PDZD4: variants seen among roughly 807,000 people sequenced by gnomAD.
PDZD4 encodes the protein PDZ domain containing 4.
A neutral mutation model predicts 38.5 loss-of-function variants in PDZD4; 9 were observed. The ratio of observed to expected loss-of-function variants is 0.23; its 90% CI spans 0.14 to 0.41. PDZD4 has a LOEUF of 0.41. Ranked by LOEUF, PDZD4 falls within the 10% of genes least tolerant of loss-of-function variation. The pLI is 1.00. For missense variants in PDZD4, 612 were observed against 722.0 expected (o/e 0.85, Z 1.75); for synonymous variants, 349 against 315.7 (o/e 1.11, Z -1.12).
chrX:153,819,244 T>A (rs1557080688), intron 1 of PDZD4, among the ~76,000 whole-genome samples: 1 of 112,967 alleles, frequency 8.9e-6, no homozygotes. Flanking sequence ...GAGCTCTGTT[T>A]CCAGGCTCTG....
At chrX:153,807,810 C>T in intron 2 of PDZD4, 1 of 960,964 alleles carries the variant, frequency 1.0e-6, no homozygotes, top group Non-Finnish European at 1.3e-6. Context: ...GCCCTCCTGG[C>T]CCCAAAACTA....
intron 7 of PDZD4, 42 bp downstream of exon 7, chrX:153,805,055 C>T (rs374754821): frequency 6.8e-6 from 8 of 1,176,734 alleles, no homozygotes; most frequent in Non-Finnish European, 9.3e-6. Context: ...ACCCAGTTCT[C>T]TCCTCCTCGC....
At chrX:153,805,025 G>A (rs2092206843) in intron 7 of PDZD4, 72 bp downstream of exon 7, 1 of 1,136,639 alleles carries the variant, frequency 8.8e-7, no homozygotes, top group South Asian at 1.9e-5. Context: ...GGGAGACCCT[G>A]CACAGCCTCA....
Position 153,830,468 on chromosome X carries a change from G to C in PDZD4, c.-170C>G. On this transcript the variant is annotated 5_prime_UTR_variant, in exon 1 of 8. Transcript: ENST00000393758. ...GCCCCCGAGGTGGGGGCAGCGGCTC[G>C]CCCCTCAGGTTAACTCTTCGCTGGC... 2.5e-6 allele frequency: 1 copy of C among 393,519 alleles called. No individual in the cohort carries two copies. Among genetic ancestry groups the C allele is most frequent in the East Asian group, 4.6e-5 (1 of 21,592 alleles). The allele number at this position is 393,519 out of a possible 1,213,427, so 32.4% of individuals were successfully genotyped here. A position where few individuals can be genotyped will look rare whatever the true frequency, so the allele number is the denominator to read the frequency against.
chrX:153,809,590 GA>G (rs1303081945), intron 1 of PDZD4, among the ~76,000 whole-genome samples: 1 of 111,016 alleles, frequency 9.0e-6, no homozygotes, highest in Non-Finnish European at 1.9e-5. Flanking sequence ...CCGTCTCAAA[GA>G]AAAAAAAATG....
intron 7 of PDZD4, 65 bp from the exon 8 acceptor site, chrX:153,804,965 A>G: frequency 1.7e-6 from 2 of 1,145,327 alleles, no homozygotes; most frequent in South Asian, 1.9e-5. Context: ...GGGATGTCAC[A>G]GGAGGATCGG....
At chrX:153,819,838 T>C (rs782436005) in intron 1 of PDZD4, among the ~76,000 whole-genome samples, 1 of 111,539 alleles carries the variant, frequency 9.0e-6, no homozygotes, top group African/African-American at 3.3e-5. Flanking sequence ...TTGAAAATTG[T>C]CCGCCCACAA....
In PDZD4 at chrX:153,805,583, G is replaced by A. The variant is rs1557076671; in HGVS notation, c.591C>T (p.Asn197=). The change falls in exon 6 of 8, where the codon AAC becomes AAT. Residue 197 remains asparagine (N), a synonymous_variant. Coordinates refer to ENST00000393758, the MANE Select transcript of PDZD4 (RefSeq NM_001303512.2). Reference sequence around the variant, plus strand: ...TCAGGATGGCCACCGCCTCTTCCCGGTTCTGGACGTCTACACCGTTAATCT... The same window carrying A: ...TCAGGATGGCCACCGCCTCTTCCCGATTCTGGACGTCTACACCGTTAATCT... ...IIQINGVDVQ[N]REEAVAILSQ... 8.3e-7 allele frequency: 1 copy of A among 1,208,973 alleles called. No individual in the cohort carries two copies. The highest frequency in any genetic ancestry group is 1.7e-5 in the African/African-American group (1 of 57,840).
Position 153,806,774 on chromosome X carries a change from C to T in PDZD4, c.472G>A (p.Asp158Asn), listed in dbSNP as rs199765870. 2.7e-4 allele frequency: 324 copies of T among 1,209,447 alleles called. No homozygotes were observed. The highest frequency in any genetic ancestry group is 3.4e-4 in the Non-Finnish European group (300 of 894,947). The change falls in exon 4 of 8, where the codon GAC becomes AAC. Residue 158 changes from aspartate (D) to asparagine (N), a missense_variant. By Grantham distance (23) the Asp-to-Asn change is conservative. Coordinates refer to ENST00000393758, the MANE Select transcript of PDZD4 (RefSeq NM_001303512.2). ...LGLMVCYRTDDEEDLGIYVGE... is the reference protein window; with the variant it reads ...LGLMVCYRTDNEEDLGIYVGE... ...ACATAAATGCCCAGGTCCTCCTCGT[C>T]GTCCGTGCGGTAGCAAACCATCAGG...
chrX:153,830,074 G>A (rs1404572357), intron 1 of PDZD4, 165 bp downstream of exon 1: 12 of 557,217 alleles, frequency 2.2e-5, no homozygotes, highest in Non-Finnish European at 2.5e-5. Context: ...TGGTTCCCAC[G>A]GAGCGCCAAC....
chrX:153,804,101 G>A lies in PDZD4; in HGVS notation c.1580C>T (p.Pro527Leu), dbSNP rs1312392185. 3.1e-5 allele frequency: 36 copies of A among 1,152,097 alleles called. No individual in the cohort carries two copies. Among genetic ancestry groups the A allele is most frequent in the East Asian group, 6.5e-5 (2 of 30,632 alleles). The allele number at this position is 1,152,097 out of a possible 1,213,427, so 94.9% of individuals were successfully genotyped here. A position where few individuals can be genotyped will look rare whatever the true frequency, so the allele number is the denominator to read the frequency against. Reference sequence around the variant, plus strand: ...GGACCGGAACTTGGCGGGGCTCCCCGGTGGAGGAGCTGCCTTGGCGGGGGT... The same window carrying A: ...GGACCGGAACTTGGCGGGGCTCCCCAGTGGAGGAGCTGCCTTGGCGGGGGT... ...VATPAKAAPP[P>L]GSPAKFRSLS... Residue 527 changes from proline to leucine, a missense_variant, in exon 8 of 8, where the codon CCG becomes CTG. Around this residue, in one of 3 missense-constraint regions of PDZD4, gnomAD observed 300 missense variants for 284.6 expected, o/e 1.05. Coordinates refer to ENST00000393758, the MANE Select transcript of PDZD4 (RefSeq NM_001303512.2).
In PDZD4 at chrX:153,803,566, C is replaced by T. The variant is rs144134931; in HGVS notation, c.2115G>A (p.Met705Ile). ...CCCGCAGGCACTCCAGCCGGCTCTG[C>T]ATCATGAACTCGCGCCGCTTCCGCT... is the stretch of plus-strand genomic sequence containing the variant. The part of the protein sequence containing the change: ...REQRKRREFM[M>I]QSRLECLREQ... Residue 705 changes from methionine to isoleucine, a missense_variant, in exon 8 of 8, where the codon ATG becomes ATA. Coordinates refer to ENST00000393758, the MANE Select transcript of PDZD4 (RefSeq NM_001303512.2). 3.8e-4 allele frequency: 464 copies of T among 1,209,153 alleles called. 1 individual carries two copies. In the African/African-American group the frequency reaches 7.5e-3, roughly 20 times the overall value.
chrX:153,815,965 G>C (rs2064356618), intron 1 of PDZD4, among the ~76,000 whole-genome samples: 1 of 99,167 alleles, frequency 1.0e-5, no homozygotes, highest in Admixed American at 1.1e-4. Flanking sequence ...CCCAGCATCT[G>C]AGCAGAAGAG....
chrX:153,806,336 G>A (rs911129640), intron 4 of PDZD4, among the ~76,000 whole-genome samples: 3 of 112,282 alleles, frequency 2.7e-5, no homozygotes, highest in Non-Finnish European at 5.6e-5. Flanking sequence ...TCTTCTGCAC[G>A]GAAGCCTGTG....
chrX:153,805,444 C>G (rs1397421814), intron 6 of PDZD4, 61 bp downstream of exon 6: 2 of 968,910 alleles, frequency 2.1e-6, no homozygotes, highest in African/African-American at 3.9e-5. Context: ...TCACGGCCAG[C>G]AGCTTCCAAG....
intron 1 of PDZD4, among the ~76,000 whole-genome samples, chrX:153,816,920 G>C (rs2064368833): frequency 9.0e-6 from 1 of 111,221 alleles, no homozygotes; most frequent in Non-Finnish European, 1.9e-5. Context: ...GAGGTAGGCT[G>C]CCAGGACCTG....
At chrX:153,805,920 T>G in intron 5 of PDZD4, 151 bp downstream of exon 5, 4 of 587,185 alleles carry the variant, frequency 6.8e-6, no homozygotes, top group Non-Finnish European at 1.1e-5. Flanking sequence ...AGGAGAGAGA[T>G]GAGACTCAGC....
At chrX:153,821,304 G>C in intron 1 of PDZD4, among the ~76,000 whole-genome samples, 1 of 111,048 alleles carries the variant, frequency 9.0e-6, no homozygotes, top group Non-Finnish European at 1.9e-5. Context: ...GGGTGCCGGT[G>C]ACAGGGAAGG....
In PDZD4 at chrX:153,803,603, C is replaced by T; in HGVS notation, c.2078G>A (p.Arg693Gln). 1.7e-6 allele frequency: 2 copies of T among 1,210,326 alleles called. No individual in the cohort carries two copies. Among genetic ancestry groups the T allele is most frequent in the Non-Finnish European group, 1.1e-6 (1 of 895,563 alleles). The change falls in exon 8 of 8, where the codon CGG (arginine) becomes CAG (glutamine). Residue 693 changes from arginine (R) to glutamine (Q), a missense_variant. Arg to Gln is a conservative substitution (Grantham distance 43). This residue lies in a region of PDZD4 where 87 missense variants were observed against 126.3 expected (regional missense o/e 0.69). Transcript: ENST00000393758. ...GCGCCGCTTCCGCTGCTCACGGGCCCGGATCAGGTGCTGCTTCCGCTCCTC... is the reference window on the plus strand; with the variant it reads ...GCGCCGCTTCCGCTGCTCACGGGCCTGGATCAGGTGCTGCTTCCGCTCCTC... ...SKEERKQHLIRAREQRKRREF... is the reference protein window; with the variant it reads ...SKEERKQHLIQAREQRKRREF...
Sources: gnomAD v4.1 joint callset for allele counts (sites outside exome capture counted in the v4.1 genomes callset) on GRCh38, gnomAD v4.1.1 for gene constraint, gnomAD v4.1.1 regional missense constraint, MANE v1.5 for transcripts, NCBI Gene and HGNC (gene_info 2026-07-23, HGNC 2026-07-21) for gene names.